The following KLF15 variants were observed in gnomAD, a reference collection of about 807,000 sequenced individuals.
The protein encoded by KLF15 is KLF transcription factor 15.
A neutral mutation model predicts 24.6 loss-of-function variants in KLF15; 4 were observed. That is an observed-to-expected ratio of 0.16 (90% CI 0.08 to 0.37). The LOEUF (loss-of-function observed/expected upper bound fraction) is 0.37, where lower values mean the gene tolerates loss of function less well. Ranked by LOEUF, KLF15 falls within the 10% of genes least tolerant of loss-of-function variation. KLF15 has a pLI of 1.00. For missense variants in KLF15, 496 were observed against 560.6 expected (o/e 0.88, Z 1.16); for synonymous variants, 246 against 236.3 (o/e 1.04, Z -0.37).
At chr3:126,329,035 A>G in the KLF15 span, among the ~76,000 whole-genome samples, 1 of 152,146 alleles carries the variant, frequency 6.6e-6, no homozygotes, top group Non-Finnish European at 1.5e-5. Context: ...CTTAAACAGG[A>G]GTTTAAATGG....
intron 2 of KLF15, among the ~76,000 whole-genome samples, chr3:126,345,342 G>A (rs2082525366): frequency 6.6e-6 from 1 of 152,052 alleles, no homozygotes; most frequent in African/African-American, 2.4e-5. Context: ...TTGGTTCCCG[G>A]TGGTCTTCCC....
chr3:126,295,703 T>C, the KLF15 span, among the ~76,000 whole-genome samples: 1 of 152,300 alleles, frequency 6.6e-6, no homozygotes, highest in Non-Finnish European at 1.5e-5. Context: ...AACCTTCCCC[T>C]TGACCCATCT....
the KLF15 span, among the ~76,000 whole-genome samples, chr3:126,292,253 G>T: frequency 6.6e-6 from 1 of 152,146 alleles, no homozygotes; most frequent in African/African-American, 2.4e-5. Context: ...GGTGGGAAGA[G>T]TTCCACCACT....
At chr3:126,313,258 G>A in the KLF15 span, among the ~76,000 whole-genome samples, 2 of 152,166 alleles carry the variant, frequency 1.3e-5, no homozygotes, top group East Asian at 3.9e-4. Flanking sequence ...GACAGGCCGT[G>A]GGAGAATCCA....
At chr3:126,316,147 C>T in the KLF15 span, among the ~76,000 whole-genome samples, 1 of 152,206 alleles carries the variant, frequency 6.6e-6, no homozygotes, top group African/African-American at 2.4e-5. Flanking sequence ...CATTTACTAT[C>T]CGGCCCTTCA....
Position 126,352,888 on chromosome 3 carries a change from A to C in KLF15, c.35T>G (p.Phe12Cys), listed in dbSNP as rs1354249607. The change falls in exon 2 of 3, where the codon TTC becomes TGC. Residue 12 changes from phenylalanine to cysteine, a missense_variant. Physicochemically the swap from Phe to Cys is radical, Grantham distance 205 (BLOSUM62 -2). This residue lies in a region of KLF15 where 399 missense variants were observed against 423.1 expected (regional missense o/e 0.94). Coordinates refer to ENST00000296233, the MANE Select transcript of KLF15 (RefSeq NM_014079.4). ...VDHLLPVDEN[F>C]SSPKCPVGYL... ...CCCAACTGGGCATTTTGGCGACGAG[A>C]AGTTCTCGTCCACTGGAAGTAAGTG... The C allele has an allele frequency of 1.2e-6, 2 of 1,611,048 alleles. No homozygotes were observed. Among genetic ancestry groups the C allele is most frequent in the Non-Finnish European group, 1.7e-6 (2 of 1,178,866 alleles).
chr3:126,301,938 C>CT, the KLF15 span, among the ~76,000 whole-genome samples: 56 of 146,524 alleles, frequency 3.8e-4, no homozygotes, highest in East Asian at 1.4e-3. Context: ...ACGTAATTTG[C>CT]TTTTTTTTTT....
chr3:126,329,070 C>A, the KLF15 span, among the ~76,000 whole-genome samples: 1 of 152,202 alleles, frequency 6.6e-6, no homozygotes, highest in South Asian at 2.1e-4. Flanking sequence ...TCTATCTTTT[C>A]CATAATGGCA....
the KLF15 span, among the ~76,000 whole-genome samples, chr3:126,295,500 G>A: frequency 6.6e-6 from 1 of 152,184 alleles, no homozygotes; most frequent in Non-Finnish European, 1.5e-5. Flanking sequence ...AGGATACAAA[G>A]TATGGCACTG....
the KLF15 span, among the ~76,000 whole-genome samples, chr3:126,308,101 T>A: frequency 1.3e-5 from 2 of 152,176 alleles, no homozygotes; most frequent in Non-Finnish European, 2.9e-5. Flanking sequence ...CCTGGCCAGC[T>A]CGTTGCTCTA....
chr3:126,321,250 A>G, the KLF15 span, among the ~76,000 whole-genome samples: 1 of 152,238 alleles, frequency 6.6e-6, no homozygotes, highest in Non-Finnish European at 1.5e-5. Flanking sequence ...CCAGGGCCAC[A>G]GAGGAAGAAT....
At chr3:126,289,261 G>A in the KLF15 span, among the ~76,000 whole-genome samples, 1 of 152,284 alleles carries the variant, frequency 6.6e-6, no homozygotes, top group East Asian at 1.9e-4. Flanking sequence ...AAAATCCTAT[G>A]GTGAAGAAGG....
At chr3:126,336,332 C>T in the KLF15 span, among the ~76,000 whole-genome samples, 1 of 115,180 alleles carries the variant, frequency 8.7e-6, no homozygotes. Context: ...GGAAAGGATT[C>T]CCTATTTAAT....
At chr3:126,306,744 G>T in the KLF15 span, among the ~76,000 whole-genome samples, 3 of 152,256 alleles carry the variant, frequency 2.0e-5, no homozygotes, top group Non-Finnish European at 2.9e-5. Flanking sequence ...CTGGGAGGTT[G>T]TCTGCACTGC....
At chr3:126,348,113 G>A (rs137940760) in intron 2 of KLF15, among the ~76,000 whole-genome samples, 1 of 152,324 alleles carries the variant, frequency 6.6e-6, no homozygotes. Context: ...CAACACCGGG[G>A]TGCAGAGGGA....
At chr3:126,339,795 C>T (rs2082466232), downstream of KLF15, among the ~76,000 whole-genome samples, 1 of 152,220 alleles carries the variant, frequency 6.6e-6, no homozygotes, top group African/African-American at 2.4e-5. Flanking sequence ...TCTCACGGCC[C>T]CACATAGACT....
At chr3:126,350,368 C>T (rs1012466158) in intron 2 of KLF15, among the ~76,000 whole-genome samples, 7 of 152,208 alleles carry the variant, frequency 4.6e-5, no homozygotes, top group African/African-American at 1.4e-4. Context: ...GAAGCCTCTC[C>T]GGTCTGTCTG....
the KLF15 span, among the ~76,000 whole-genome samples, chr3:126,314,884 T>G: frequency 3.9e-5 from 6 of 152,238 alleles, no homozygotes; most frequent in Non-Finnish European, 7.3e-5. Flanking sequence ...TGGCTTGCTT[T>G]CCTTGAGAAA....
At chr3:126,288,527 G>C in the KLF15 span, 1 of 152,322 alleles carries the variant, frequency 6.6e-6, no homozygotes, top group Admixed American at 6.5e-5. Flanking sequence ...CCTGGAAAGT[G>C]CAAGGCACTT....
Sources: gnomAD v4.1 joint callset for allele counts (sites outside exome capture counted in the v4.1 genomes callset) on GRCh38, gnomAD v4.1.1 for gene constraint, gnomAD v4.1.1 regional missense constraint, MANE v1.5 for transcripts, NCBI Gene and HGNC (gene_info 2026-07-23, HGNC 2026-07-21) for gene names.